Variants in SRCAP observed in about 807,000 individuals in gnomAD.
SRCAP encodes the protein Snf2 related CREBBP activator protein, also known as chromatin remodeling protein SRCAP.
In SRCAP, 46 loss-of-function variants were observed where a neutral mutation model predicts 263.1. That is an observed-to-expected ratio of 0.17 (90% CI 0.14 to 0.22). The LOEUF (loss-of-function observed/expected upper bound fraction) is 0.22. SRCAP is among the 10% of genes least tolerant of loss of function. SRCAP has a pLI of 1.00. For synonymous variants in SRCAP, 1,813 were observed against 1,662.1 expected (o/e 1.09, Z -2.21); for missense variants, 3,695 against 4,181.9 (o/e 0.88, Z 3.21).
At chr16:30,702,643 C>T (rs910011670) in intron 3 of SRCAP, among the ~76,000 whole-genome samples, 1 of 138,290 alleles carries the variant, frequency 7.2e-6, no homozygotes, top group Non-Finnish European at 1.6e-5. Context: ...TTCCTTCTCT[C>T]CCTCCTTCCT....
chr16:30,707,243 A>G lies in SRCAP; in HGVS notation c.367A>G (p.Arg123Gly). ...GAAGGAGGGTTTCTGGTCACTGAAG[A>G]GGCTGCCTAAGGTGCCAGAGCCCCC... is the stretch of plus-strand genomic sequence containing the variant. ...LRKEGFWSLK[R>G]LPKVPEPPRP... The change falls in exon 5 of 34, where the codon AGG becomes GGG. Residue 123 changes from arginine to glycine, a missense_variant. By Grantham distance (125) the Arg-to-Gly change is moderately radical. This residue lies in a region of SRCAP where 107 missense variants were observed against 223.8 expected (regional missense o/e 0.48). Transcript: ENST00000262518. 1 of 1,614,152 alleles carries G rather than the reference A, an allele frequency of 6.2e-7. No homozygotes were observed. Among genetic ancestry groups the G allele is most frequent in the Non-Finnish European group, 8.5e-7 (1 of 1,180,024 alleles).
Position 30,713,441 on chromosome 16 carries a change from T to G in SRCAP, c.2300+64T>G, listed in dbSNP as rs955751455. On this transcript the variant is annotated intron_variant, in intron 15 of 33. Transcript: ENST00000262518. ...GGCTAGAAGGGAGGGCTGCCTGGGT[T>G]GAGGAATGTATCAGAATGCTCAGAA... The G allele has an allele frequency of 1.9e-6, 3 of 1,611,518 alleles. No homozygotes were observed. The African/African-American group carries it at 4.0e-5, about 22-fold the overall frequency.
Position 30,721,226 on chromosome 16 carries a change from A to G in SRCAP, c.3291A>G (p.Ser1097=). 1 of 1,613,324 alleles carries G rather than the reference A, an allele frequency of 6.2e-7. No individual in the cohort carries two copies. The highest frequency in any genetic ancestry group is 8.5e-7 in the Non-Finnish European group (1 of 1,179,620). ...CCCTGGGGGTCCTGAGTGGGACCTCACGGCCTCCCACGCCAACCTTGTCCC... is the reference window on the plus strand; with the variant it reads ...CCCTGGGGGTCCTGAGTGGGACCTCGCGGCCTCCCACGCCAACCTTGTCCC... ...PSPLGVLSGT[S]RPPTPTLSLK... Residue 1097 remains serine (S), a synonymous_variant, in exon 21 of 34, where the codon TCA becomes TCG. Coordinates refer to ENST00000262518, the MANE Select transcript of SRCAP (RefSeq NM_006662.3).
rs1384448359 is a variant in SRCAP at position 30,721,919 on chromosome 16, T to C, written c.3542-203T>C. ...TGTTAGAGGATATAAAAGAGATTGC[T>C]AAGCAAATGGGATTGGAAGGAGTAG... On this transcript the variant is annotated intron_variant, in intron 21 of 33. Transcript: ENST00000262518. 2.0e-4 allele frequency among the ~76,000 whole-genome samples: 31 copies of C among 152,118 alleles called. 2 individuals carry two copies. The highest frequency in any genetic ancestry group is 2.0e-3 in the Admixed American group (31 of 15,264).
At chr16:30,727,841 C>T (rs1424883421) in intron 25 of SRCAP, among the ~76,000 whole-genome samples, 1 of 151,940 alleles carries the variant, frequency 6.6e-6, no homozygotes, top group Non-Finnish European at 1.5e-5. Flanking sequence ...TGTGAGCCAC[C>T]GCGCCTGGCC....
intron 16 of SRCAP, among the ~76,000 whole-genome samples, chr16:30,714,297 C>T (rs2052923244): frequency 6.6e-5 from 10 of 151,668 alleles, no homozygotes; most frequent in Admixed American, 6.6e-4. Context: ...ATCTCCTGAC[C>T]TCATGATCCG....
rs748242671 is a variant in SRCAP at position 30,733,964 on chromosome 16, A to G, written c.6565A>G (p.Met2189Val). The change falls in exon 30 of 34, where the codon ATG (methionine) becomes GTG (valine). Residue 2189 changes from methionine (M) to valine (V), a missense_variant. Transcript: ENST00000262518. The surrounding 1 kb of genome is among the most constrained non-coding windows in gnomAD (Gnocchi z 5.3). ...KANQKRMLGDMAIEGGNFTTA... is the reference protein window; with the variant it reads ...KANQKRMLGDVAIEGGNFTTA... ...AAATCAGAAGAGAATGTTGGGGGAC[A>G]TGGCCATTGAGGGAGGCAACTTCAC... 13 of 1,613,244 alleles carry G rather than the reference A, an allele frequency of 8.1e-6. No individual in the cohort carries two copies. Among genetic ancestry groups the G allele is most frequent in the Non-Finnish European group, 1.0e-5 (12 of 1,179,628 alleles).
intron 3 of SRCAP, among the ~76,000 whole-genome samples, chr16:30,701,761 C>G (rs2052769487): frequency 6.6e-6 from 1 of 151,142 alleles, no homozygotes; most frequent in African/African-American, 2.4e-5. Context: ...TTGCGAGTAG[C>G]TGGGATTATA....
intron 3 of SRCAP, among the ~76,000 whole-genome samples, chr16:30,702,585 CCCTTCCCTG>C (rs1241212542): frequency 7.9e-6 from 1 of 127,130 alleles, no homozygotes; most frequent in African/African-American, 3.0e-5. Flanking sequence ...CTCCCTCCCT[CCCTTCCCTG>C]CCTTCCCTCC....
chr16:30,723,499 G>A (rs2053031444), intron 24 of SRCAP, 85 bp from the exon 25 acceptor site: 1 of 1,523,690 alleles, frequency 6.6e-7, no homozygotes. Context: ...GAAATGGGAA[G>A]CTTGGGGGTA....
Position 30,737,486 on chromosome 16 carries a change from G to T in SRCAP, c.7446G>T (p.Leu2482Phe). 6.3e-7 allele frequency: 1 copy of T among 1,594,636 alleles called. No homozygotes were observed. The highest frequency in any genetic ancestry group is 1.3e-5 in the African/African-American group (1 of 74,472). ...TAACCATTCTCCCTGTCCATATCTT[G>T]CCTTCTCCTCCCCCTCCTTCACAGA... ...NPITILPVHI[L>F]PSPPPPSQIP... is the part of the protein sequence containing the mutation. Residue 2482 changes from leucine to phenylalanine, a missense_variant, in exon 34 of 34, where the codon TTG becomes TTT. Leu to Phe is a conservative substitution (Grantham distance 22). Transcript: ENST00000262518.
In SRCAP at chr16:30,740,728, T is replaced by C. The variant is rs2053215955; in HGVS notation, c.*995T>C. 6.6e-6 allele frequency: 1 copy of C among 152,314 alleles called. No individual in the cohort carries two copies. The highest frequency in any genetic ancestry group is 6.5e-5 in the Admixed American group (1 of 15,278). The allele number at this position is 152,314 out of a possible 1,614,324, so 9.4% of individuals were successfully genotyped here. ...GCCAGGTAAGAGCCCTGTTCATTTT[T>C]ACATTCTCTGTTCACTCCCTGGGCC... On this transcript the variant is annotated 3_prime_UTR_variant, in exon 34 of 34. Coordinates refer to ENST00000262518, the MANE Select transcript of SRCAP (RefSeq NM_006662.3).
At chr16:30,722,409 G>A (rs570979444) in intron 22 of SRCAP, 123 bp downstream of exon 22, 12 of 1,506,780 alleles carry the variant, frequency 8.0e-6, no homozygotes, top group East Asian at 4.6e-5. Flanking sequence ...TGGGGCCAAC[G>A]GGCATGGTTG....
chr16:30,704,839 C>T (rs991058624), intron 4 of SRCAP, among the ~76,000 whole-genome samples: 1 of 151,498 alleles, frequency 6.6e-6, no homozygotes, highest in Non-Finnish European at 1.5e-5. Context: ...AAGATCCTGT[C>T]TCAAAAAAAA....
chr16:30,701,183 C>T (rs1366398350), intron 3 of SRCAP, among the ~76,000 whole-genome samples: 1 of 152,174 alleles, frequency 6.6e-6, no homozygotes, highest in Non-Finnish European at 1.5e-5. Flanking sequence ...TAACTTCTAT[C>T]AGTACTGGAG....
chr16:30,728,852 T>G, intron 25 of SRCAP, 114 bp from the exon 26 acceptor site: 1 of 1,243,382 alleles, frequency 8.0e-7, no homozygotes, highest in Non-Finnish European at 1.1e-6. Context: ...AAAAGCATAG[T>G]GTATTTTTGG....
chr16:30,704,158 A>C lies in SRCAP; in HGVS notation c.149A>C (p.His50Pro). The change falls in exon 4 of 34, where the codon CAC (histidine) becomes CCC (proline). Residue 50 changes from histidine (H) to proline (P), a missense_variant. Transcript: ENST00000262518. ...GGGGCAGGCGGCATCTCCCCGCAGC[A>C]CATAGCTCAAGATTCCTCACTGGAT... ...SSGAGGISPQ[H>P]IAQDSSLDGP... 1 of 1,614,166 alleles carries C rather than the reference A, an allele frequency of 6.2e-7. No homozygotes were observed. The highest frequency in any genetic ancestry group is 1.7e-5 in the Admixed American group (1 of 60,016).
At position 30,737,396 on chromosome 16, in the gene SRCAP, T is replaced by C; in HGVS notation, c.7356T>C (p.Ala2452=). The change falls in exon 34 of 34, where the codon GCT becomes GCC. Residue 2452 remains alanine, a synonymous_variant. Coordinates refer to ENST00000262518, the MANE Select transcript of SRCAP (RefSeq NM_006662.3). ...RPRPTPASAP[A]AIPALVPVPV... Reference sequence around the variant, plus strand: ...GACCCACTCCAGCTTCAGCTCCGGCTGCAATTCCTGCCCTTGTTCCTGTCC... The same window carrying C: ...GACCCACTCCAGCTTCAGCTCCGGCCGCAATTCCTGCCCTTGTTCCTGTCC... The C allele has an allele frequency of 6.2e-7, 1 of 1,610,908 alleles. No homozygotes were observed. The highest frequency in any genetic ancestry group is 8.5e-7 in the Non-Finnish European group (1 of 1,178,678).
In SRCAP at chr16:30,737,350, C is replaced by G; in HGVS notation, c.7310C>G (p.Pro2437Arg). ...PRCSPARERV[P>R]RPAPRPRPTP... is the part of the protein sequence containing the mutation. Reference sequence around the variant, plus strand: ...TGCAGTCCTGCCAGGGAGCGAGTTCCCAGGCCAGCACCTAGGCCTCGACCC... The same window carrying G: ...TGCAGTCCTGCCAGGGAGCGAGTTCGCAGGCCAGCACCTAGGCCTCGACCC... The change falls in exon 34 of 34, where the codon CCC (proline) becomes CGC (arginine). Residue 2437 changes from proline (P) to arginine (R), a missense_variant. Around this residue, in one of 12 missense-constraint regions of SRCAP, gnomAD observed 1,207 missense variants for 1,142.9 expected, o/e 1.06. Transcript: ENST00000262518. The G allele has an allele frequency of 6.2e-7, 1 of 1,614,078 alleles. No homozygotes were observed. The highest frequency in any genetic ancestry group is 8.5e-7 in the Non-Finnish European group (1 of 1,180,010).
Sources: allele counts gnomAD v4.1 joint callset (sites outside exome capture counted in the v4.1 genomes callset), GRCh38; gene constraint gnomAD v4.1.1; regional missense constraint gnomAD v4.1.1; non-coding constraint Gnocchi (gnomAD v3.1); transcripts MANE v1.5; gene names NCBI Gene and HGNC (gene_info 2026-07-23, HGNC 2026-07-21).